Variants in SLC44A3 observed in about 807,000 individuals in gnomAD.
SLC44A3 encodes the protein choline transporter-like protein 3.
SLC44A3 carries 74 observed loss-of-function variants against 75.4 expected under a neutral mutation model. That is an observed-to-expected ratio of 0.98 (90% CI 0.81 to 1.19). The LOEUF (loss-of-function observed/expected upper bound fraction) is 1.19. Among genes scored for constraint, SLC44A3 ranks in the 50% most tolerant of loss-of-function variants. The pLI is 0.00. For missense variants in SLC44A3, 700 were observed against 778.6 expected (o/e 0.90, Z 1.20); for synonymous variants, 310 against 296.9 (o/e 1.04, Z -0.45).
chr1:94,867,321 C>G lies in SLC44A3; in HGVS notation c.1396-10C>G, dbSNP rs1667276804. 1.9e-6 allele frequency: 3 copies of G among 1,568,834 alleles called. No individual in the cohort carries two copies. The highest frequency in any genetic ancestry group is 2.4e-5 in the South Asian group (2 of 84,856). On this transcript the variant is annotated splice_polypyrimidine_tract_variant and intron_variant, in intron 11 of 14. Transcript: ENST00000271227. ...TTTGACTCTGTTCCTTTGTTCTCAACCTGATCCAGCAGCATGGTGCATTGT... is the reference window on the plus strand; with the variant it reads ...TTTGACTCTGTTCCTTTGTTCTCAAGCTGATCCAGCAGCATGGTGCATTGT...
At chr1:94,827,425 T>A (rs1661517569) in intron 3 of SLC44A3, 82 bp from the exon 4 acceptor site, 3 of 1,543,420 alleles carry the variant, frequency 1.9e-6, no homozygotes, top group South Asian at 1.1e-5. Flanking sequence ...TTTGATAGCA[T>A]GTGGATATTT....
At chr1:94,879,219 A>C (rs1189905491) in intron 12 of SLC44A3, among the ~76,000 whole-genome samples, 6 of 151,648 alleles carry the variant, frequency 4.0e-5, no homozygotes, top group Non-Finnish European at 7.4e-5. Flanking sequence ...AACTACAAAA[A>C]AAAAAAACCC....
chr1:94,830,453 C>T (rs933371469), intron 5 of SLC44A3, among the ~76,000 whole-genome samples: 3 of 152,098 alleles, frequency 2.0e-5, no homozygotes, highest in East Asian at 3.9e-4. Context: ...CCTCGTGATC[C>T]GCCTGCCTCG....
chr1:94,872,867 G>C (rs1005369296), intron 12 of SLC44A3, among the ~76,000 whole-genome samples: 2 of 152,158 alleles, frequency 1.3e-5, no homozygotes, highest in Non-Finnish European at 2.9e-5. Flanking sequence ...AAAATGACAG[G>C]CTCATTTCTC....
chr1:94,849,637 T>C (rs753023548), intron 9 of SLC44A3, among the ~76,000 whole-genome samples: 6 of 152,218 alleles, frequency 3.9e-5, no homozygotes, highest in Admixed American at 6.5e-5. Context: ...CAGTGCCCGA[T>C]TGTCTCATTC....
chr1:94,884,946 T>C (rs553307490), intron 12 of SLC44A3, among the ~76,000 whole-genome samples: 5 of 152,248 alleles, frequency 3.3e-5, no homozygotes, highest in African/African-American at 1.2e-4. Flanking sequence ...CAATTTTCTA[T>C]AAAATGAGAA....
In SLC44A3 at chr1:94,874,697, C is replaced by T. The variant is rs924337105; in HGVS notation, c.1482+7280C>T. Among the ~76,000 whole-genome samples, 21 of 152,294 alleles carry T rather than the reference C, an allele frequency of 1.4e-4. No homozygotes were observed. The South Asian group carries it at 4.4e-3, about 32-fold the overall frequency. On this transcript the variant is annotated intron_variant, in intron 12 of 14. Coordinates refer to ENST00000271227, the MANE Select transcript of SLC44A3 (RefSeq NM_001114106.3). ...CCACTCACTGGCACTTACTATGTAC[C>T]GGATACTGTGCTACTTTATGTGTAT... is the stretch of plus-strand genomic sequence containing the variant.
At position 94,839,977 on chromosome 1, in the gene SLC44A3, A is replaced by G. The variant is rs1663363841; in HGVS notation, c.700A>G (p.Arg234Gly). The G allele has an allele frequency of 1.2e-6, 2 of 1,614,104 alleles. No homozygotes were observed. The highest frequency in any genetic ancestry group is 1.7e-6 in the Non-Finnish European group (2 of 1,179,992). ...ALSLAMMFTFRFITTLLVHIF... is the reference protein window; with the variant it reads ...ALSLAMMFTFGFITTLLVHIF... ...GTCTTTGGCCATGATGTTTACCTTC[A>G]GATTCATCACCACCCTTCTGGTTCA... is the stretch of plus-strand genomic sequence containing the variant. The change falls in exon 7 of 15, where the codon AGA becomes GGA. Residue 234 changes from arginine to glycine, a missense_variant. Physicochemically the swap from Arg to Gly is moderately radical, Grantham distance 125. Coordinates refer to ENST00000271227, the MANE Select transcript of SLC44A3 (RefSeq NM_001114106.3).
In SLC44A3 at chr1:94,837,852, C is replaced by T; in HGVS notation, c.651C>T (p.Gly217=). 1 of 1,598,536 alleles carries T rather than the reference C, an allele frequency of 6.3e-7. No individual in the cohort carries two copies. The highest frequency in any genetic ancestry group is 8.5e-7 in the Non-Finnish European group (1 of 1,175,712). ...GIMSGRDTIL[G]LCILALALSL... is the part of the protein sequence containing the mutation. Reference sequence around the variant, plus strand: ...TGTCGGGAAGAGATACAATCCTTGGCCTGTGTATCCTCGCATTAGGTAATT... The same window carrying T: ...TGTCGGGAAGAGATACAATCCTTGGTCTGTGTATCCTCGCATTAGGTAATT... Residue 217 remains glycine (G), a synonymous_variant, in exon 6 of 15, where the codon GGC becomes GGT. Transcript: ENST00000271227.
chr1:94,860,017 G>A (rs568415952), intron 10 of SLC44A3, among the ~76,000 whole-genome samples: 1 of 152,272 alleles, frequency 6.6e-6, no homozygotes, highest in East Asian at 1.9e-4. Flanking sequence ...AGGTCATTCT[G>A]GAGAGCCTCA....
At chr1:94,823,153 T>G (rs1443210112) in intron 2 of SLC44A3, among the ~76,000 whole-genome samples, 3 of 152,062 alleles carry the variant, frequency 2.0e-5, no homozygotes, top group Non-Finnish European at 4.4e-5. Flanking sequence ...AAACATCACT[T>G]TGTTATTAGA....
chr1:94,893,779 T>C (rs935365595), intron 14 of SLC44A3, among the ~76,000 whole-genome samples: 2 of 151,614 alleles, frequency 1.3e-5, no homozygotes, highest in African/African-American at 4.9e-5. Context: ...CTCCATCCCC[T>C]GATTTACTTT....
chr1:94,891,889 C>T (rs1272469360), intron 13 of SLC44A3, among the ~76,000 whole-genome samples: 2 of 152,182 alleles, frequency 1.3e-5, no homozygotes, highest in Admixed American at 6.5e-5. Context: ...CACCACTGTA[C>T]TCCAGCCTGG....
intron 12 of SLC44A3, among the ~76,000 whole-genome samples, chr1:94,886,218 A>G (rs1307394995): frequency 6.6e-6 from 1 of 152,160 alleles, no homozygotes; most frequent in Non-Finnish European, 1.5e-5. Context: ...TTGAATAGGA[A>G]TGAGCCTTGG....
chr1:94,883,762 C>T (rs377123467), intron 12 of SLC44A3, among the ~76,000 whole-genome samples: 2 of 152,262 alleles, frequency 1.3e-5, no homozygotes, highest in African/African-American at 2.4e-5. Context: ...TGTGAAGGTG[C>T]AATTTGTCTG....
intron 1 of SLC44A3, 183 bp downstream of exon 1, chr1:94,820,661 G>C: frequency 7.2e-7 from 1 of 1,381,316 alleles, no homozygotes. Flanking sequence ...GTGCTGGGGC[G>C]GAGGCGGGGG....
chr1:94,879,224 A>AAAAC (rs1557879411), intron 12 of SLC44A3, among the ~76,000 whole-genome samples: 1 of 151,406 alleles, frequency 6.6e-6, no homozygotes, highest in African/African-American at 2.4e-5. Flanking sequence ...CAAAAAAAAA[A>AAAAC]AACCCGATTT....
chr1:94,846,950 T>C (rs1335661468), intron 9 of SLC44A3, among the ~76,000 whole-genome samples: 1 of 147,054 alleles, frequency 6.8e-6, no homozygotes, highest in Non-Finnish European at 1.5e-5. Context: ...GCCAAGATCG[T>C]CAGCAGGCTG....
intron 3 of SLC44A3, chr1:94,826,039 T>C: frequency 2.5e-6 from 1 of 400,016 alleles, no homozygotes; most frequent in South Asian, 1.8e-5. Flanking sequence ...GATATGTATA[T>C]TACAATGAAA....
Sources: gnomAD v4.1 joint callset for allele counts (sites outside exome capture counted in the v4.1 genomes callset) on GRCh38, gnomAD v4.1.1 for gene constraint, MANE v1.5 for transcripts, NCBI Gene and HGNC (gene_info 2026-07-23, HGNC 2026-07-21) for gene names.